The following FBRS variants were observed in gnomAD, a reference collection of about 807,000 sequenced individuals.
FBRS encodes fibrosin, also known as probable fibrosin-1.
Under a neutral mutation model 86.1 loss-of-function variants are expected in FBRS, and 15 were observed. The observed-to-expected ratio is 0.17, with a 90% CI of 0.12 to 0.27. The LOEUF (loss-of-function observed/expected upper bound fraction) is 0.27. FBRS is among the 10% of genes least tolerant of loss of function. The pLI is 1.00. For missense variants in FBRS, 1,367 were observed against 1,301.6 expected (o/e 1.05, Z -0.77); for synonymous variants, 666 against 575.8 (o/e 1.16, Z -2.24).
At chr16:30,666,165 C>T in intron 11 of FBRS, 1 of 454,396 alleles carries the variant, frequency 2.2e-6, no homozygotes, top group Non-Finnish European at 3.9e-6. Context: ...AGAGGTTTTC[C>T]AACTTCCTTC....
rs759285388 is a variant in FBRS, at chr16:30,668,835, C to T, written c.2222C>T (p.Pro741Leu). 1.3e-5 allele frequency: 20 copies of T among 1,596,282 alleles called. No individual in the cohort carries two copies. The highest frequency in any genetic ancestry group is 1.6e-5 in the Non-Finnish European group (19 of 1,176,494). Residue 741 changes from proline to leucine, a missense_variant, in exon 17 of 18, where the codon CCG (proline) becomes CTG (leucine). By Grantham distance (98) the Pro-to-Leu change is moderately conservative. Around this residue, in one of 3 missense-constraint regions of FBRS, gnomAD observed 659 missense variants for 678.8 expected, o/e 0.97. Coordinates refer to ENST00000356166, the MANE Select transcript of FBRS (RefSeq NM_001105079.3). ...PGAPPAFASP[P>L]DPWGRLHRSP... ...GCCCCACCAGCCTTCGCCTCCCCAC[C>T]GGACCCATGGGGCCGCCTGCACCGC...
rs2052555330 is a variant in FBRS at position 30,668,870 on chromosome 16, A to G, written c.2257A>G (p.Thr753Ala). The G allele has an allele frequency of 3.1e-6, 5 of 1,588,634 alleles. No homozygotes were observed. The highest frequency in any genetic ancestry group is 4.3e-6 in the Non-Finnish European group (5 of 1,171,802). The change falls in exon 17 of 18, where the codon ACC becomes GCC. Residue 753 changes from threonine to alanine, a missense_variant. This residue lies in a region of FBRS where 659 missense variants were observed against 678.8 expected (regional missense o/e 0.97). Coordinates refer to ENST00000356166, the MANE Select transcript of FBRS (RefSeq NM_001105079.3). ...PWGRLHRSPLTFPAWVRPPEA... is the reference protein window; with the variant it reads ...PWGRLHRSPLAFPAWVRPPEA... Reference sequence around the variant, plus strand: ...GGGCCGCCTGCACCGCAGTCCTCTGACCTTTCCTGCCTGGGTCCGGCCCCC... The same window carrying G: ...GGGCCGCCTGCACCGCAGTCCTCTGGCCTTTCCTGCCTGGGTCCGGCCCCC...
rs145673975 is a variant in FBRS, at chr16:30,661,157, C to T, written c.640-23C>T. The T allele has an allele frequency of 1.6e-5, 25 of 1,550,382 alleles. No homozygotes were observed. In the African/African-American group the frequency reaches 2.7e-4, roughly 17 times the overall value. On this transcript the variant is annotated intron_variant, in intron 2 of 17. Coordinates refer to ENST00000356166, the MANE Select transcript of FBRS (RefSeq NM_001105079.3). Reference sequence around the variant, plus strand: ...CTGCCTCAGCAGCCGCCTCCCTCACCTCTGGACTCTGGTCTTCCTCAGGCG... The same window carrying T: ...CTGCCTCAGCAGCCGCCTCCCTCACTTCTGGACTCTGGTCTTCCTCAGGCG...
rs1483867195 is a variant in FBRS, at chr16:30,667,378, A to G, written c.1934A>G (p.Tyr645Cys). Reference sequence around the variant, plus strand: ...CTCCTGCCCTGCCTTCCGGGGCCCTATGGGGCCCTGCCCCCTGGGCAGGAG... The same window carrying G: ...CTCCTGCCCTGCCTTCCGGGGCCCTGTGGGGCCCTGCCCCCTGGGCAGGAG... ...NDLLPCLPGP[Y>C]GALPPGQELS... The change falls in exon 14 of 18, where the codon TAT becomes TGT. Residue 645 changes from tyrosine to cysteine, a missense_variant. By Grantham distance (194) the Tyr-to-Cys change is radical. Around this residue, in one of 3 missense-constraint regions of FBRS, gnomAD observed 659 missense variants for 678.8 expected, o/e 0.97. Coordinates refer to ENST00000356166, the MANE Select transcript of FBRS (RefSeq NM_001105079.3). The G allele has an allele frequency of 3.9e-6, 6 of 1,553,134 alleles. No individual in the cohort carries two copies. Among genetic ancestry groups the G allele is most frequent in the African/African-American group, 1.4e-5 (1 of 73,070 alleles).
chr16:30,660,250 T>A lies in FBRS; in HGVS notation c.460-13T>A. ...CTTTTCCATCTATCTCAGCCCCACC[T>A]CCTCCTCCACAGAAGGATGCATCTC... On this transcript the variant is annotated splice_polypyrimidine_tract_variant and intron_variant, in intron 1 of 17. Transcript: ENST00000356166. The A allele has an allele frequency of 7.5e-7, 1 of 1,325,056 alleles. No homozygotes were observed. Among genetic ancestry groups the A allele is most frequent in the Non-Finnish European group, 9.7e-7 (1 of 1,029,662 alleles). The allele number at this position is 1,325,056 out of a possible 1,614,324, so 82.1% of individuals were successfully genotyped here. A position where few individuals can be genotyped will look rare whatever the true frequency, so the allele number is the denominator to read the frequency against.
Position 30,665,813 on chromosome 16 carries a change from C to A in FBRS, c.1773+107C>A. On this transcript the variant is annotated intron_variant, in intron 11 of 17. Transcript: ENST00000356166. This position sits in a 1 kb window ranked among gnomAD's most constrained non-coding sequence, Gnocchi z 4.1. ...CTGATTCCTCCCTTGAATTCACAAT[C>A]GGGTGTTCCTGGGTGTCTAATAGAG... 3 of 1,137,300 alleles carry A rather than the reference C, an allele frequency of 2.6e-6. No individual in the cohort carries two copies. Among genetic ancestry groups the A allele is most frequent in the Non-Finnish European group, 2.5e-6 (2 of 787,560 alleles). The allele number at this position is 1,137,300 out of a possible 1,614,324, so 70.5% of individuals were successfully genotyped here.
Position 30,669,003 on chromosome 16 carries a change from C to A in FBRS, c.2366+24C>A. 1 of 1,553,100 alleles carries A rather than the reference C, an allele frequency of 6.4e-7. No individual in the cohort carries two copies. The highest frequency in any genetic ancestry group is 8.7e-7 in the Non-Finnish European group (1 of 1,148,754). ...AGGTGTGCCTCCCACCCACCCTGCC[C>A]CTGCCCCACCCTCAGCCCCTGCTGC... On this transcript the variant is annotated intron_variant, in intron 17 of 17. Transcript: ENST00000356166. This position sits in a 1 kb window ranked among gnomAD's most constrained non-coding sequence, Gnocchi z 5.9.
At position 30,664,398 on chromosome 16, in the gene FBRS, G is replaced by GCCCCCCCCCC; in HGVS notation, c.1247_1248insCCCCCCCCCC (p.His419ProfsTer34). ...ACAGCTTTCCCCCTCCCGGGCTGCG[G>GCCCCCCCCCC]CCCCCCCCACCACCCCACCACCCCT... On this transcript the variant is annotated frameshift_variant, in exon 7 of 18. Coordinates refer to ENST00000356166, the MANE Select transcript of FBRS (RefSeq NM_001105079.3). LOFTEE classifies it high-confidence loss of function. 1.5e-6 allele frequency: 2 copies of GCCCCCCCCCC among 1,376,434 alleles called. No individual in the cohort carries two copies. Among genetic ancestry groups the GCCCCCCCCCC allele is most frequent in the East Asian group, 2.7e-5 (1 of 36,404 alleles). The allele number at this position is 1,376,434 out of a possible 1,614,324, so 85.3% of individuals were successfully genotyped here. A position where few individuals can be genotyped will look rare whatever the true frequency, so the allele number is the denominator to read the frequency against.
chr16:30,666,612 T>G (rs1334903915), intron 12 of FBRS, 71 bp downstream of exon 12: 1 of 1,608,850 alleles, frequency 6.2e-7, no homozygotes. Context: ...TAAGGGGGGT[T>G]TTGCTTACAA....
Position 30,662,575 on chromosome 16 carries a change from C to T in FBRS, c.771C>T (p.Gly257=), listed in dbSNP as rs551821840. The T allele has an allele frequency of 5.3e-5, 82 of 1,542,072 alleles. No homozygotes were observed. The highest frequency in any genetic ancestry group is 9.9e-5 in the Admixed American group (5 of 50,488). Residue 257 remains glycine, a synonymous_variant, in exon 6 of 18, where the codon GGC becomes GGT. Coordinates refer to ENST00000356166, the MANE Select transcript of FBRS (RefSeq NM_001105079.3). ...VSTSKASGPH[G]AFNGNCEAKL... Reference sequence around the variant, plus strand: ...GCCCCACAGCCTCGGGCCCCCACGGCGCCTTCAATGGGAACTGTGAAGCAA... The same window carrying T: ...GCCCCACAGCCTCGGGCCCCCACGGTGCCTTCAATGGGAACTGTGAAGCAA...
Position 30,669,271 on chromosome 16 carries a change from C to A in FBRS, c.2569C>A (p.Leu857Met). The part of the protein sequence containing the change: ...AAATGPQGLH[L>M]LFERPRPPPF... ...AGCCACTGGGCCCCAGGGCCTTCAC[C>A]TGCTGTTTGAGAGGCCCCGGCCGCC... The change falls in exon 18 of 18, where the codon CTG (leucine) becomes ATG (methionine). Residue 857 changes from leucine (L) to methionine (M), a missense_variant. Physicochemically the swap from Leu to Met is conservative, Grantham distance 15. This residue lies in a region of FBRS where 659 missense variants were observed against 678.8 expected (regional missense o/e 0.97). Coordinates refer to ENST00000356166, the MANE Select transcript of FBRS (RefSeq NM_001105079.3). The surrounding 1 kb of genome is among the most constrained non-coding windows in gnomAD (Gnocchi z 5.9). 1 of 1,566,866 alleles carries A rather than the reference C, an allele frequency of 6.4e-7. No individual in the cohort carries two copies. Among genetic ancestry groups the A allele is most frequent in the Non-Finnish European group, 8.6e-7 (1 of 1,156,682 alleles).
At chr16:30,660,002 CTT>C (rs1222231394) in intron 1 of FBRS, 25 bp downstream of exon 1, 7 of 1,542,386 alleles carry the variant, frequency 4.5e-6, no homozygotes, top group African/African-American at 4.2e-5. Context: ...GGCTAGGAGA[CTT>C]TGGGGGTTTC....
chr16:30,660,183 C>G, intron 1 of FBRS, 80 bp from the exon 2 acceptor site: 5 of 1,412,260 alleles, frequency 3.5e-6, no homozygotes, highest in Non-Finnish European at 4.6e-6. Context: ...CCGAGGGGTA[C>G]TTCGGCAACC....
In FBRS at chr16:30,662,719, G is replaced by A; in HGVS notation, c.915G>A (p.Arg305=). 6.5e-7 allele frequency: 1 copy of A among 1,547,316 alleles called. No individual in the cohort carries two copies. The highest frequency in any genetic ancestry group is 8.7e-7 in the Non-Finnish European group (1 of 1,144,962). The change falls in exon 6 of 18, where the codon CGG becomes CGA. Residue 305 remains arginine, a synonymous_variant. Transcript: ENST00000356166. ...PKEPPPPPVP[R]PPVSPPAPLP... ...AACCACCGCCTCCACCGGTCCCTCG[G>A]CCTCCTGTCTCACCCCCTGCACCCC...
intron 8 of FBRS, 42 bp from the exon 9 acceptor site, chr16:30,664,992 CG>C: frequency 6.2e-7 from 1 of 1,609,348 alleles, no homozygotes; most frequent in South Asian, 1.1e-5. Context: ...GGGGAAGGCC[CG>C]GGTCCCTGGC....
chr16:30,667,620 T>C lies in FBRS; in HGVS notation c.2072T>C (p.Ile691Thr), dbSNP rs996412054. The C allele has an allele frequency of 9.2e-6, 14 of 1,522,422 alleles. No homozygotes were observed. The highest frequency in any genetic ancestry group is 5.6e-5 in the African/African-American group (4 of 71,590). 94.3% of individuals were successfully genotyped at this position (1,522,422 alleles called of 1,614,324 possible). A position where few individuals can be genotyped will look rare whatever the true frequency, so the allele number is the denominator to read the frequency against. Residue 691 changes from isoleucine to threonine, a missense_variant and splice_region_variant, in exon 15 of 18, where the codon ATT becomes ACT. This residue lies in a region of FBRS where 659 missense variants were observed against 678.8 expected (regional missense o/e 0.97). Coordinates refer to ENST00000356166, the MANE Select transcript of FBRS (RefSeq NM_001105079.3). ...HGPFLSPSTH[I>T]DPFGRPTSFA... is the part of the protein sequence containing the mutation. ...CCCTTCCTGAGCCCCAGCACCCACA[T>C]TGGTAAGAGCCAAGGGCGTGTTGGG...
intron 12 of FBRS, 123 bp from the exon 13 acceptor site, chr16:30,666,796 G>A (rs1173675961): frequency 8.4e-7 from 1 of 1,189,904 alleles, no homozygotes; most frequent in Non-Finnish European, 1.2e-6. Context: ...TCATCCCTTG[G>A]TTGTAGGAAT....
chr16:30,669,462 T>G lies in FBRS; in HGVS notation c.2760T>G (p.Pro920=). ...CTGCCCGCCTCTACGGTCTGGAACC[T>G]GCTCACCCCTTGCTCTACAGCCGCT... is the stretch of plus-strand genomic sequence containing the variant. The part of the protein sequence containing the change: ...VAAARLYGLE[P]AHPLLYSRLA... The change falls in exon 18 of 18, where the codon CCT becomes CCG. Residue 920 remains proline, a synonymous_variant. Transcript: ENST00000356166. This position sits in a 1 kb window ranked among gnomAD's most constrained non-coding sequence, Gnocchi z 5.9. 1 of 1,613,146 alleles carries G rather than the reference T, an allele frequency of 6.2e-7. No homozygotes were observed. The highest frequency in any genetic ancestry group is 8.5e-7 in the Non-Finnish European group (1 of 1,179,796).
rs1216027156 is a variant in FBRS at position 30,670,658 on chromosome 16, CT to C, written c.*1015del. Reference sequence around the variant, plus strand: ...GCAGCCTCACGGCAGCAACCCCAGCCTTCCCAAAGCAGCAGGCGCCTCCAGG... The same window carrying C: ...GCAGCCTCACGGCAGCAACCCCAGCCTCCCAAAGCAGCAGGCGCCTCCAGG... On this transcript the variant is annotated 3_prime_UTR_variant, in exon 18 of 18. Coordinates refer to ENST00000356166, the MANE Select transcript of FBRS (RefSeq NM_001105079.3). 1 of 157,830 alleles carries C rather than the reference CT, an allele frequency of 6.3e-6. No homozygotes were observed. Among genetic ancestry groups the C allele is most frequent in the Non-Finnish European group, 1.4e-5 (1 of 70,416 alleles). The allele number at this position is 157,830 out of a possible 1,614,324, so 9.8% of individuals were successfully genotyped here.
Sources: allele counts gnomAD v4.1 joint callset, GRCh38; gene constraint gnomAD v4.1.1; regional missense constraint gnomAD v4.1.1; non-coding constraint Gnocchi (gnomAD v3.1); transcripts MANE v1.5; gene names NCBI Gene and HGNC (gene_info 2026-07-23, HGNC 2026-07-21).